The following RNASEH1 variants were observed in gnomAD, a reference collection of about 807,000 sequenced individuals.
The protein encoded by RNASEH1 is ribonuclease H type II.
A neutral mutation model predicts 34.6 loss-of-function variants in RNASEH1; 27 were observed. The observed-to-expected ratio is 0.78, with a 90% confidence interval of 0.58 to 1.08. The LOEUF (loss-of-function observed/expected upper bound fraction) is 1.08. Among genes scored for constraint, RNASEH1 ranks in the 50% least tolerant of loss-of-function variants. The probability of loss-of-function intolerance (pLI) is 0.00; values close to 1 mark genes in which losing one functional copy is unlikely to be tolerated. For missense variants in RNASEH1, 349 were observed against 373.6 expected, an observed-to-expected ratio of 0.93 and a Z score of 0.54; for synonymous variants, 162 against 138.4, an observed-to-expected ratio of 1.17 and a Z score of -1.20.
At chr2:3,555,946 G>C (rs964943021) in intron 2 of RNASEH1, among the ~76,000 whole-genome samples, 1 of 152,142 alleles carries the variant, frequency 6.6e-6, no homozygotes, top group Admixed American at 6.5e-5. Flanking sequence ...CAAAGCAGGT[G>C]AATCATTTGA....
At chr2:3,552,408 A>T in intron 2 of RNASEH1, 100 bp from the exon 3 acceptor site, 5 of 1,213,138 alleles carry the variant, frequency 4.1e-6, no homozygotes, top group Non-Finnish European at 5.7e-6. Flanking sequence ...TCATTAAATC[A>T]GACTTAAAAA....
At chr2:3,550,736 G>A (rs1659785731) in intron 3 of RNASEH1, among the ~76,000 whole-genome samples, 1 of 152,212 alleles carries the variant, frequency 6.6e-6, no homozygotes, top group Admixed American at 6.5e-5. Flanking sequence ...GCCTGCTGCA[G>A]TAAAAACTAC....
chr2:3,545,932 A>C, intron 7 of RNASEH1, 61 bp from the exon 8 acceptor site: 1 of 1,209,098 alleles, frequency 8.3e-7, no homozygotes, highest in South Asian at 1.2e-5. Flanking sequence ...ACACATGACT[A>C]TATTGTCATC....
At chr2:3,554,175 C>G (rs559126179) in intron 2 of RNASEH1, among the ~76,000 whole-genome samples, 1 of 152,238 alleles carries the variant, frequency 6.6e-6, no homozygotes, top group Non-Finnish European at 1.5e-5. Flanking sequence ...ACGTCAGCAA[C>G]AGCTGGCGTT....
intron 3 of RNASEH1, among the ~76,000 whole-genome samples, chr2:3,551,765 C>T (rs918655762): frequency 6.6e-6 from 1 of 152,078 alleles, no homozygotes; most frequent in African/African-American, 2.4e-5. Flanking sequence ...TCTTGTTTTC[C>T]AAAGATTGAA....
intron 4 of RNASEH1, among the ~76,000 whole-genome samples, chr2:3,549,361 C>T (rs932311907): frequency 1.3e-5 from 2 of 152,154 alleles, no homozygotes; most frequent in African/African-American, 4.8e-5. Flanking sequence ...CTGGGTTAGG[C>T]CCTATGGCTG....
chr2:3,534,426 C>T, the RNASEH1 span, among the ~76,000 whole-genome samples: 1 of 152,214 alleles, frequency 6.6e-6, no homozygotes, highest in Non-Finnish European at 1.5e-5. Context: ...ACATCAGACT[C>T]CCTGAACCAG....
At chr2:3,556,928 T>C (rs758968763) in intron 1 of RNASEH1, 24 bp from the exon 2 acceptor site, 19 of 1,484,528 alleles carry the variant, frequency 1.3e-5, no homozygotes, top group Admixed American at 1.7e-5. Context: ...GCAATGTTAT[T>C]TCCTTCTTCC....
At chr2:3,557,030 C>T (rs1227363487) in intron 1 of RNASEH1, 126 bp from the exon 2 acceptor site, 4 of 680,376 alleles carry the variant, frequency 5.9e-6, no homozygotes, top group Non-Finnish European at 7.9e-6. Flanking sequence ...CCAGGAAGTC[C>T]TCCACCCCAT....
At chr2:3,550,186 A>G in intron 4 of RNASEH1, 187 bp downstream of exon 4, 1 of 506,210 alleles carries the variant, frequency 2.0e-6, no homozygotes, top group East Asian at 3.6e-5. Context: ...AGTAAAGCTG[A>G]GGTACCTCAC....
At chr2:3,539,441 T>C (rs1368600999), downstream of RNASEH1, among the ~76,000 whole-genome samples, 4 of 152,194 alleles carry the variant, frequency 2.6e-5, no homozygotes, top group African/African-American at 4.8e-5. Context: ...CTTTGACAAA[T>C]ACTTATGTCA....
At position 3,544,159 on chromosome 2, in the gene RNASEH1, C is replaced by G. The variant is rs1305297073; in HGVS notation, c.*1626G>C. Among the ~76,000 whole-genome samples, 1 of 152,140 alleles carries G rather than the reference C, an allele frequency of 6.6e-6. No homozygotes were observed. The highest frequency in any genetic ancestry group is 2.4e-5 in the African/African-American group (1 of 41,438). ...TGAGAATACCACCATTTTGCAACCCCAAATAATTAATGGATCTTGGCACTG... is the reference window on the plus strand; with the variant it reads ...TGAGAATACCACCATTTTGCAACCCGAAATAATTAATGGATCTTGGCACTG... On this transcript the variant is annotated 3_prime_UTR_variant, in exon 8 of 8. Transcript: ENST00000315212.
rs143591606 is a variant in RNASEH1, at chr2:3,549,629, G to A, written c.510-517C>T. ...TTTGGGAGGACAAGGTGGGAGGATCGCATGAGCCCAGAAATTTGAGCCCAG... is the reference window on the plus strand; with the variant it reads ...TTTGGGAGGACAAGGTGGGAGGATCACATGAGCCCAGAAATTTGAGCCCAG... On this transcript the variant is annotated intron_variant, in intron 4 of 7. Transcript: ENST00000315212. Among the ~76,000 whole-genome samples, 89 of 152,132 alleles carry A rather than the reference G, an allele frequency of 5.9e-4. 1 individual carries two copies. The highest frequency in any genetic ancestry group is 4.8e-3 in the East Asian group (25 of 5,172).
chr2:3,552,174 G>C lies in RNASEH1; in HGVS notation c.379C>G (p.Pro127Ala). The change falls in exon 3 of 8, where the codon CCA becomes GCA. Residue 127 changes from proline (P) to alanine (A), a missense_variant. Around this residue, in one of 2 missense-constraint regions of RNASEH1, gnomAD observed 256 missense variants for 240.7 expected, o/e 1.06. Coordinates refer to ENST00000315212, the MANE Select transcript of RNASEH1 (RefSeq NM_002936.6). ...TAGGAAAACGTGTCTCTGCTAACTG[G>C]AGGCGCCGGCTCCACGCTCGGCTTC... is the stretch of plus-strand genomic sequence containing the variant. Reference protein sequence around the residue: ...HMKPSVEPAPPVSRDTFSYMG... With the variant: ...HMKPSVEPAPAVSRDTFSYMG... 1 of 1,611,478 alleles carries C rather than the reference G, an allele frequency of 6.2e-7. No homozygotes were observed. Among genetic ancestry groups the C allele is most frequent in the Non-Finnish European group, 8.5e-7 (1 of 1,179,626 alleles).
rs1488400144 is a variant in RNASEH1, at chr2:3,542,443, C to A, written c.*3342G>T. The stretch of plus-strand genomic sequence containing the variant: ...AGAAAACAGAATAAAACAAGATACT[C>A]AAAGAAAATCTGGGCCAAGAATTTC... On this transcript the variant is annotated 3_prime_UTR_variant, in exon 8 of 8. Coordinates refer to ENST00000315212, the MANE Select transcript of RNASEH1 (RefSeq NM_002936.6). Among the ~76,000 whole-genome samples, 1 of 152,138 alleles carries A rather than the reference C, an allele frequency of 6.6e-6. No individual in the cohort carries two copies. Among genetic ancestry groups the A allele is most frequent in the East Asian group, 1.9e-4 (1 of 5,194 alleles).
chr2:3,537,650 G>A (rs1461022835), downstream of RNASEH1, among the ~76,000 whole-genome samples: 1 of 151,992 alleles, frequency 6.6e-6, no homozygotes, highest in Non-Finnish European at 1.5e-5. Context: ...GAGCTCAGGA[G>A]GTGGAGGCTG....
At position 3,543,894 on chromosome 2, in the gene RNASEH1, A is replaced by G. The variant is rs1668513264; in HGVS notation, c.*1891T>C. Among the ~76,000 whole-genome samples the G allele has an allele frequency of 1.3e-5, 2 of 152,142 alleles. No homozygotes were observed. The highest frequency in any genetic ancestry group is 2.9e-5 in the Non-Finnish European group (2 of 68,002). ...CTCCCAAAGTGCTGGGATTACAGGC[A>G]TAAGACACCATGCCCAGCCCATGAA... is the stretch of plus-strand genomic sequence containing the variant. On this transcript the variant is annotated 3_prime_UTR_variant, in exon 8 of 8. Coordinates refer to ENST00000315212, the MANE Select transcript of RNASEH1 (RefSeq NM_002936.6).
chr2:3,550,227 C>T, intron 4 of RNASEH1, 146 bp downstream of exon 4: 1 of 655,300 alleles, frequency 1.5e-6, no homozygotes, highest in South Asian at 1.5e-5. Context: ...TTAGCCCCAA[C>T]ACGAACCAAA....
chr2:3,544,591 C>T lies in RNASEH1; in HGVS notation c.*1194G>A, dbSNP rs577591150. The stretch of plus-strand genomic sequence containing the variant: ...AAGAAGAGGGCTGTGGCTGGAGGGG[C>T]ACTTGGGAGAGCCTCCTGGGGTATC... On this transcript the variant is annotated 3_prime_UTR_variant, in exon 8 of 8. Coordinates refer to ENST00000315212, the MANE Select transcript of RNASEH1 (RefSeq NM_002936.6). Among the ~76,000 whole-genome samples the T allele has an allele frequency of 3.9e-5, 6 of 152,204 alleles. No homozygotes were observed. Among genetic ancestry groups the T allele is most frequent in the African/African-American group, 9.6e-5 (4 of 41,500 alleles).
Sources: gnomAD v4.1 joint callset for allele counts (sites outside exome capture counted in the v4.1 genomes callset) on GRCh38, gnomAD v4.1.1 for gene constraint, gnomAD v4.1.1 regional missense constraint, MANE v1.5 for transcripts, NCBI Gene and HGNC (gene_info 2026-07-23, HGNC 2026-07-21) for gene names.